Variants in PAX7 observed in about 807,000 individuals in gnomAD.
PAX7 encodes paired box 7.
PAX7 carries 18 observed loss-of-function variants against 50.7 expected under a neutral mutation model. The observed-to-expected ratio is 0.36, with a 90% confidence interval of 0.25 to 0.53. The LOEUF (loss-of-function observed/expected upper bound fraction) is 0.53, where lower values mean the gene tolerates loss of function less well. Ranked by LOEUF, PAX7 falls within the 20% of genes least tolerant of loss-of-function variation. The probability of loss-of-function intolerance (pLI) is 0.93; values close to 1 mark genes in which losing one functional copy is unlikely to be tolerated. For synonymous variants in PAX7, 310 were observed against 290.4 expected (o/e 1.07, Z -0.69); for missense variants, 644 against 702.9 (o/e 0.92, Z 0.95).
chr1:18,680,105 G>C (rs2088875616), intron 4 of PAX7, among the ~76,000 whole-genome samples: 1 of 152,150 alleles, frequency 6.6e-6, no homozygotes, highest in Non-Finnish European at 1.5e-5. Flanking sequence ...GAGGCCCAGA[G>C]GGATGAAGTT....
intron 4 of PAX7, among the ~76,000 whole-genome samples, chr1:18,643,797 C>A (rs1035363878): frequency 6.6e-6 from 1 of 152,194 alleles, no homozygotes; most frequent in African/African-American, 2.4e-5. Context: ...GCGATCCTGC[C>A]GCTTAATTAG....
intron 5 of PAX7, among the ~76,000 whole-genome samples, chr1:18,692,302 G>A (rs2089083948): frequency 2.0e-5 from 3 of 151,906 alleles, no homozygotes; most frequent in Admixed American, 2.0e-4. Context: ...AGCACTTCGG[G>A]AGGCCGAGGT....
At chr1:18,652,567 A>G (rs1287764694) in intron 4 of PAX7, among the ~76,000 whole-genome samples, 1 of 152,222 alleles carries the variant, frequency 6.6e-6, no homozygotes, top group African/African-American at 2.4e-5. Flanking sequence ...TTGACCTGAA[A>G]CCTGGATGGA....
chr1:18,635,238 C>T lies in PAX7; in HGVS notation c.449C>T (p.Ser150Leu). 6.2e-7 allele frequency: 1 copy of T among 1,613,338 alleles called. No homozygotes were observed. Residue 150 changes from serine (S) to leucine (L), a missense_variant and splice_region_variant, in exon 3 of 9, where the codon TCA (serine) becomes TTA (leucine). Ser to Leu is a moderately radical substitution (Grantham distance 145, BLOSUM62 -2). Coordinates refer to ENST00000420770, the MANE Select transcript of PAX7 (RefSeq NM_001135254.2). ...DGHCDRSTVP[S>L]GLVSSISRVL... The stretch of plus-strand genomic sequence containing the variant: ...CACTGTGACCGAAGCACTGTGCCCT[C>T]AGGTGAGAAGGCAGCTGAGCCGGCA...
intron 4 of PAX7, among the ~76,000 whole-genome samples, chr1:18,650,043 C>G (rs1332998005): frequency 6.6e-6 from 1 of 152,154 alleles, no homozygotes; most frequent in African/African-American, 2.4e-5. Flanking sequence ...GAAAAAACAG[C>G]CTGTTTCCCC....
intron 4 of PAX7, among the ~76,000 whole-genome samples, chr1:18,690,654 G>A (rs2089055135): frequency 6.6e-6 from 1 of 152,192 alleles, no homozygotes; most frequent in East Asian, 1.9e-4. Flanking sequence ...AACCTTCTGG[G>A]CTCTCCAGGC....
In PAX7 at chr1:18,636,626, C is replaced by T. The variant is rs976934391; in HGVS notation, c.586+255C>T. Among the ~76,000 whole-genome samples, 1 of 152,194 alleles carries T rather than the reference C, an allele frequency of 6.6e-6. No homozygotes were observed. The highest frequency in any genetic ancestry group is 1.5e-5 in the Non-Finnish European group (1 of 68,030). The stretch of plus-strand genomic sequence containing the variant: ...GCCGGGCACGGACGGCCTGTGAGTC[C>T]CGGGAGAGCCCGGCTGCGGGGCTGC... On this transcript the variant is annotated intron_variant, in intron 4 of 8. Coordinates refer to ENST00000420770, the MANE Select transcript of PAX7 (RefSeq NM_001135254.2). This position sits in a 1 kb window ranked among gnomAD's most constrained non-coding sequence, Gnocchi z 5.1.
chr1:18,683,639 A>C (rs554570229), intron 4 of PAX7, among the ~76,000 whole-genome samples: 16 of 152,318 alleles, frequency 1.1e-4, no homozygotes, highest in African/African-American at 3.6e-4. Context: ...CAGGAGTTTG[A>C]GACCAGCCTG....
intron 7 of PAX7, among the ~76,000 whole-genome samples, chr1:18,710,349 A>G (rs2089335090): frequency 6.6e-6 from 1 of 152,128 alleles, no homozygotes; most frequent in African/African-American, 2.4e-5. Context: ...TGCCACTCAC[A>G]CAGTGGACAC....
chr1:18,643,624 G>C (rs2088292941), intron 4 of PAX7, among the ~76,000 whole-genome samples: 1 of 152,246 alleles, frequency 6.6e-6, no homozygotes, highest in South Asian at 2.1e-4. Flanking sequence ...CACGGGCCGA[G>C]AGGGCGAGTG....
Position 18,726,149 on chromosome 1 carries a change from T to A in PAX7, c.1156-9483T>A, listed in dbSNP as rs902880221. 6.6e-5 allele frequency among the ~76,000 whole-genome samples: 5 copies of A among 76,320 alleles called. No homozygotes were observed. The highest frequency in any genetic ancestry group is 1.7e-4 in the African/African-American group (2 of 11,508). The allele number at this position is 76,320 out of a possible 152,430, so 50.1% of individuals were successfully genotyped here. On this transcript the variant is annotated intron_variant, in intron 7 of 8. Coordinates refer to ENST00000420770, the MANE Select transcript of PAX7 (RefSeq NM_001135254.2). The surrounding 1 kb of genome is among the most constrained non-coding windows in gnomAD (Gnocchi z 4.8). Reference sequence around the variant, plus strand: ...AACAGACATTGGAAGAGTGTGAGTGTGTGTGTGTGTGTGTGTGTGTGTGTG... The same window carrying A: ...AACAGACATTGGAAGAGTGTGAGTGAGTGTGTGTGTGTGTGTGTGTGTGTG...
chr1:18,702,857 G>A (rs2089238850), intron 6 of PAX7, among the ~76,000 whole-genome samples: 1 of 152,188 alleles, frequency 6.6e-6, no homozygotes, highest in African/African-American at 2.4e-5. Context: ...ACAGTGGCTG[G>A]TGTGCACCTG....
intron 8 of PAX7, among the ~76,000 whole-genome samples, chr1:18,739,811 G>A (rs898453798): frequency 1.2e-4 from 18 of 152,228 alleles, no homozygotes; most frequent in African/African-American, 3.6e-4. Context: ...TCGTCTCTAG[G>A]GGAGTGGGGG....
intron 7 of PAX7, among the ~76,000 whole-genome samples, chr1:18,732,507 G>A (rs2089658513): frequency 6.6e-6 from 1 of 152,202 alleles, no homozygotes; most frequent in Non-Finnish European, 1.5e-5. Flanking sequence ...GCACATAGTA[G>A]CACCCTATGA....
chr1:18,673,520 A>G (rs2088782850), intron 4 of PAX7, among the ~76,000 whole-genome samples: 1 of 152,206 alleles, frequency 6.6e-6, no homozygotes, highest in South Asian at 2.1e-4. Context: ...TTTTTGGAAA[A>G]TAACATTGTT....
Position 18,748,802 on chromosome 1 carries a change from C to T in PAX7, c.*3873C>T, listed in dbSNP as rs936639029. On this transcript the variant is annotated 3_prime_UTR_variant, in exon 9 of 9. Transcript: ENST00000420770. Reference sequence around the variant, plus strand: ...AACTGGTATTTGCTTTAACTACCTGCTGCTTGTAAGCGCTTCCTCTGTAAC... The same window carrying T: ...AACTGGTATTTGCTTTAACTACCTGTTGCTTGTAAGCGCTTCCTCTGTAAC... The T allele has an allele frequency of 4.6e-6, 1 of 217,946 alleles. No homozygotes were observed. Among genetic ancestry groups the T allele is most frequent in the African/African-American group, 2.3e-5 (1 of 44,414 alleles). 13.5% of individuals were successfully genotyped at this position (217,946 alleles called of 1,614,324 possible). A position where few individuals can be genotyped will look rare whatever the true frequency, so the allele number is the denominator to read the frequency against.
At chr1:18,730,933 G>C (rs902765942) in intron 7 of PAX7, among the ~76,000 whole-genome samples, 13 of 152,060 alleles carry the variant, frequency 8.5e-5, no homozygotes, top group Non-Finnish European at 1.9e-4. Context: ...CGTGGCGGGT[G>C]GGGGGAAATG....
At chr1:18,695,221 A>G (rs1242526178) in intron 5 of PAX7, among the ~76,000 whole-genome samples, 8 of 128,562 alleles carry the variant, frequency 6.2e-5, no homozygotes, top group East Asian at 7.0e-4. Flanking sequence ...AAAAAAAAAG[A>G]AAAAAAAAGA....
chr1:18,656,430 G>T (rs2088523125), intron 4 of PAX7, among the ~76,000 whole-genome samples: 1 of 151,926 alleles, frequency 6.6e-6, no homozygotes, highest in Admixed American at 6.6e-5. Flanking sequence ...ACCTGGGAGG[G>T]CAGAGGTTGC....
Sources: gnomAD v4.1 joint callset for allele counts (sites outside exome capture counted in the v4.1 genomes callset) on GRCh38, gnomAD v4.1.1 for gene constraint, Gnocchi (gnomAD v3.1) non-coding constraint, MANE v1.5 for transcripts, NCBI Gene and HGNC (gene_info 2026-07-23, HGNC 2026-07-21) for gene names.